Variants in C8B observed in about 807,000 individuals in gnomAD.
C8B encodes the protein complement component C8 beta chain.
C8B carries 67 observed loss-of-function variants against 64.6 expected under a neutral mutation model. The ratio of observed to expected loss-of-function variants is 1.04; its 90% CI spans 0.85 to 1.27. The LOEUF is 1.27. Ranked by LOEUF, C8B falls within the 50% of genes most tolerant of loss-of-function variation. The pLI is 0.00. For missense variants in C8B, 790 were observed against 725.2 expected, an observed-to-expected ratio of 1.09 and a Z score of -1.03; for synonymous variants, 284 against 257.7, an observed-to-expected ratio of 1.10 and a Z score of -0.98.
At chr1:56,954,625 C>G in intron 4 of C8B, 61 bp downstream of exon 4, 1 of 1,602,218 alleles carries the variant, frequency 6.2e-7, no homozygotes, top group Admixed American at 1.7e-5. Context: ...ATTCTCTATC[C>G]GCCAGAATTC....
At chr1:56,947,357 G>A (rs185356763) in intron 6 of C8B, among the ~76,000 whole-genome samples, 18 of 152,174 alleles carry the variant, frequency 1.2e-4, no homozygotes, top group Non-Finnish European at 2.5e-4. Flanking sequence ...TACCAACCAC[G>A]TACGTCAGCA....
chr1:56,963,813 C>CTG, intron 1 of C8B: 1 of 957,478 alleles, frequency 1.0e-6, no homozygotes. Context: ...TTCCAAGTTG[C>CTG]TGGCACAGAG....
intron 4 of C8B, 113 bp downstream of exon 4, chr1:56,954,573 T>C (rs1222635133): frequency 7.7e-6 from 11 of 1,422,018 alleles, no homozygotes; most frequent in Admixed American, 1.7e-5. Flanking sequence ...CAGTCTTTTC[T>C]CAGAAAGGTG....
Position 56,959,718 on chromosome 1 carries a change from A to G in C8B, c.249+302T>C. 4.1e-6 allele frequency: 4 copies of G among 983,148 alleles called. No individual in the cohort carries two copies. In the South Asian group the frequency reaches 6.3e-5, roughly 16 times the overall value. 60.9% of individuals were successfully genotyped at this position (983,148 alleles called of 1,614,324 possible). A position where few individuals can be genotyped will look rare whatever the true frequency, so the allele number is the denominator to read the frequency against. On this transcript the variant is annotated intron_variant, in intron 2 of 11. Coordinates refer to ENST00000371237, the MANE Select transcript of C8B (RefSeq NM_000066.4). ...GTGGGCAAAGACAACTCAGACATAC[A>G]CTATGATTGCTTCCCCTGTTTCATG...
At chr1:56,961,983 T>C (rs1645186472) in intron 1 of C8B, among the ~76,000 whole-genome samples, 2 of 152,232 alleles carry the variant, frequency 1.3e-5, no homozygotes, top group Admixed American at 1.3e-4. Flanking sequence ...TTGTCTGTGA[T>C]TTGGCTTCTC....
rs1453724403 is a variant in C8B, at chr1:56,931,862, G to A, written c.1569C>T (p.Cys523=). The part of the protein sequence containing the change: ...VPVLKGSRCD[C]ICPVGSQGLA... Reference sequence around the variant, plus strand: ...GGCCTTGGGATCCAACAGGACAGATGCAGTCACAGCGTGATCCTGAGAAGA... The same window carrying A: ...GGCCTTGGGATCCAACAGGACAGATACAGTCACAGCGTGATCCTGAGAAGA... Residue 523 remains cysteine (C), a synonymous_variant, in exon 11 of 12, where the codon TGC becomes TGT. Coordinates refer to ENST00000371237, the MANE Select transcript of C8B (RefSeq NM_000066.4). 3 of 1,611,960 alleles carry A rather than the reference G, an allele frequency of 1.9e-6. No individual in the cohort carries two copies. The African/African-American group carries it at 4.0e-5, about 22-fold the overall frequency.
rs1306329555 is a variant in C8B at position 56,964,312 on chromosome 1, T to C, written c.92+1545A>G. Among the ~76,000 whole-genome samples, 3 of 152,310 alleles carry C rather than the reference T, an allele frequency of 2.0e-5. No homozygotes were observed. In the East Asian group the frequency reaches 5.8e-4, roughly 29 times the overall value. On this transcript the variant is annotated intron_variant, in intron 1 of 11. Coordinates refer to ENST00000371237, the MANE Select transcript of C8B (RefSeq NM_000066.4). ...AACTCTTCAATGGCTTCCCAATGCA[T>C]TGTGGTGAGGATATAGTTCAAGTTC...
intron 9 of C8B, among the ~76,000 whole-genome samples, chr1:56,936,214 C>A (rs1644772485): frequency 6.6e-6 from 1 of 152,118 alleles, no homozygotes. Flanking sequence ...TTTTAATGTT[C>A]TGAATATATC....
At chr1:56,957,497 CTAAA>C (rs1282250095) in intron 2 of C8B, among the ~76,000 whole-genome samples, 1 of 152,124 alleles carries the variant, frequency 6.6e-6, no homozygotes, top group Admixed American at 6.6e-5. Flanking sequence ...CACGAATTAT[CTAAA>C]TGTTCAGTTA....
Position 56,945,805 on chromosome 1 carries a change from C to A in C8B, c.1105+16G>T. On this transcript the variant is annotated intron_variant, in intron 7 of 11. Transcript: ENST00000371237. ...CCCCAGCTTTTAGGAAAGCCATGGT[C>A]CCTTGGGCAGTATACCTCCTCTCTC... The A allele has an allele frequency of 1.2e-6, 2 of 1,614,044 alleles. No individual in the cohort carries two copies. The highest frequency in any genetic ancestry group is 2.2e-5 in the East Asian group (1 of 44,868).
In C8B at chr1:56,956,768, C is replaced by T; in HGVS notation, c.391+1G>A. 5 of 1,613,950 alleles carry T rather than the reference C, an allele frequency of 3.1e-6. No homozygotes were observed. The highest frequency in any genetic ancestry group is 4.2e-6 in the Non-Finnish European group (5 of 1,179,964). Reference sequence around the variant, plus strand: ...CCTCTTACTCCTACATTGATTTATACCTGTCTGTGCACACACAAAGCCTTC... The same window carrying T: ...CCTCTTACTCCTACATTGATTTATATCTGTCTGTGCACACACAAAGCCTTC... On this transcript the variant is annotated splice_donor_variant, in intron 3 of 11. Transcript: ENST00000371237. LOFTEE classifies it high-confidence loss of function.
rs541799830 is a variant in C8B at position 56,959,020 on chromosome 1, C to A, written c.249+1000G>T. Among the ~76,000 whole-genome samples, 3 of 152,266 alleles carry A rather than the reference C, an allele frequency of 2.0e-5. No individual in the cohort carries two copies. The South Asian group carries it at 6.2e-4, about 32-fold the overall frequency. On this transcript the variant is annotated intron_variant, in intron 2 of 11. Coordinates refer to ENST00000371237, the MANE Select transcript of C8B (RefSeq NM_000066.4). ...CAAGGAGGCTGAATGACAGATATTG[C>A]GGAAATTGAGTGTGTTCACTGGAAG...
At chr1:56,958,892 C>T (rs543078584) in intron 2 of C8B, among the ~76,000 whole-genome samples, 1 of 152,232 alleles carries the variant, frequency 6.6e-6, no homozygotes, top group Non-Finnish European at 1.5e-5. Flanking sequence ...AAGCCCATGG[C>T]TGGTTTGGTT....
chr1:56,953,932 C>T (rs910123919), intron 4 of C8B, among the ~76,000 whole-genome samples: 2 of 152,174 alleles, frequency 1.3e-5, no homozygotes, highest in African/African-American at 4.8e-5. Context: ...AGAAGCCTCC[C>T]ATGTGAAGAG....
Position 56,954,791 on chromosome 1 carries a change from T to A in C8B, c.428A>T (p.Asp143Val), listed in dbSNP as rs761727726. 1.4e-5 allele frequency: 23 copies of A among 1,614,068 alleles called. No homozygotes were observed. The highest frequency in any genetic ancestry group is 2.2e-5 in the East Asian group (1 of 44,872). The change falls in exon 4 of 12, where the codon GAC becomes GTC. Residue 143 changes from aspartate to valine, a missense_variant. Physicochemically the swap from Asp to Val is radical, Grantham distance 152. Transcript: ENST00000371237. ...ATCTGACTGGTCTCCACAGTCATTG[T>A]CCCCATTGCAAAGAAGTCTGCGGTT... ...CVNRRLLCNG[D>V]NDCGDQSDEA...
At chr1:56,965,206 A>G (rs749239795) in intron 1 of C8B, among the ~76,000 whole-genome samples, 1 of 152,100 alleles carries the variant, frequency 6.6e-6, no homozygotes, top group Non-Finnish European at 1.5e-5. Flanking sequence ...GGGGTTTCTC[A>G]TGCACACGGA....
chr1:56,931,953 C>T (rs1008359279), intron 10 of C8B, 75 bp from the exon 11 acceptor site: 10 of 1,017,964 alleles, frequency 9.8e-6, no homozygotes, highest in African/African-American at 1.6e-5. Flanking sequence ...GCCCTCCAAT[C>T]ACTGCAGTTC....
intron 9 of C8B, among the ~76,000 whole-genome samples, chr1:56,934,795 G>A (rs1644752890): frequency 6.6e-6 from 1 of 152,108 alleles, no homozygotes; most frequent in Non-Finnish European, 1.5e-5. Flanking sequence ...AAGGGGTGGG[G>A]GTGGGAGTTT....
intron 2 of C8B, among the ~76,000 whole-genome samples, chr1:56,958,198 A>G (rs1645129123): frequency 6.6e-6 from 1 of 152,168 alleles, no homozygotes; most frequent in Non-Finnish European, 1.5e-5. Context: ...CGGCAATGAG[A>G]AACTGCTGCA....
Sources: allele counts gnomAD v4.1 joint callset (sites outside exome capture counted in the v4.1 genomes callset), GRCh38; gene constraint gnomAD v4.1.1; transcripts MANE v1.5; gene names NCBI Gene and HGNC (gene_info 2026-07-23, HGNC 2026-07-21).